The following KCNG2 variants were observed in gnomAD, a reference collection of about 807,000 sequenced individuals.
KCNG2 encodes voltage-gated potassium channel regulatory subunit KCNG2.
A neutral mutation model predicts 12.3 loss-of-function variants in KCNG2; 7 were observed. That is an observed-to-expected ratio of 0.57 (90% CI 0.32 to 1.07). The LOEUF (loss-of-function observed/expected upper bound fraction) is 1.07, where lower values mean the gene tolerates loss of function less well. KCNG2 is among the 50% of genes least tolerant of loss of function. The probability of loss-of-function intolerance (pLI) is 0.04; values close to 1 mark genes in which losing one functional copy is unlikely to be tolerated. For synonymous variants in KCNG2, 414 were observed against 351.4 expected, an observed-to-expected ratio of 1.18 and a Z score of -1.99; for missense variants, 703 against 726.0, an observed-to-expected ratio of 0.97 and a Z score of 0.36.
intron 3 of KCNG2, chr18:79,875,837 G>C (rs1158684613): frequency 6.6e-6 from 1 of 152,408 alleles, no homozygotes; most frequent in Non-Finnish European, 1.5e-5. Context: ...AGTCGGACTG[G>C]CCTGCAGCCC....
chr18:79,803,756 C>A lies in KCNG2; in HGVS notation c.-115+5742C>A, dbSNP rs928931854. ...TCAGCCGGGGCCCTCCTGCGTCTCC[C>A]GACCACAGGCCCCAGTCCCGGCCAA... On this transcript the variant is annotated intron_variant, in intron 1 of 3. Transcript: ENST00000316249. This position sits in a 1 kb window ranked among gnomAD's most constrained non-coding sequence, Gnocchi z 4.5. 6.6e-6 allele frequency among the ~76,000 whole-genome samples: 1 copy of A among 152,202 alleles called. No individual in the cohort carries two copies. The highest frequency in any genetic ancestry group is 6.5e-5 in the Admixed American group (1 of 15,288).
chr18:79,839,685 C>T (rs2123035882), intron 1 of KCNG2, among the ~76,000 whole-genome samples: 2 of 152,300 alleles, frequency 1.3e-5, no homozygotes, highest in Non-Finnish European at 2.9e-5. Context: ...CCAATCTATA[C>T]TGTCTTTTCC....
At chr18:79,870,175 C>T (rs1979774006) in intron 3 of KCNG2, among the ~76,000 whole-genome samples, 1 of 152,272 alleles carries the variant, frequency 6.6e-6, no homozygotes, top group South Asian at 2.1e-4. Flanking sequence ...CCACCGTCTG[C>T]TCCCAGACGA....
Position 79,899,908 on chromosome 18 carries a change from T to G in KCNG2, c.*92T>G. On this transcript the variant is annotated 3_prime_UTR_variant, in exon 4 of 4. Coordinates refer to ENST00000316249, the MANE Select transcript of KCNG2 (RefSeq NM_012283.2). ...GCCAAGGGGTGGGGGGCGTCTGGCCTGGGGGAGCGGCTCCTGCCGGCCGCG... is the reference window on the plus strand; with the variant it reads ...GCCAAGGGGTGGGGGGCGTCTGGCCGGGGGGAGCGGCTCCTGCCGGCCGCG... 1.7e-5 allele frequency: 20 copies of G among 1,174,678 alleles called. No homozygotes were observed. The highest frequency in any genetic ancestry group is 2.2e-5 in the Non-Finnish European group (20 of 926,378). 72.8% of individuals were successfully genotyped at this position (1,174,678 alleles called of 1,614,324 possible).
intron 3 of KCNG2, among the ~76,000 whole-genome samples, chr18:79,868,937 G>A (rs1272272695): frequency 6.6e-6 from 1 of 152,236 alleles, no homozygotes; most frequent in Non-Finnish European, 1.5e-5. Flanking sequence ...AGAACTAGGA[G>A]TCGGTGTTAC....
intron 1 of KCNG2, among the ~76,000 whole-genome samples, chr18:79,810,601 CTA>C (rs1491182652): frequency 2.1e-4 from 31 of 149,898 alleles, no homozygotes; most frequent in African/African-American, 5.8e-4. Context: ...GACCCTGTCT[CTA>C]AAAAAAAAGA....
At chr18:79,869,182 G>A (rs1442075091) in intron 3 of KCNG2, among the ~76,000 whole-genome samples, 1 of 152,194 alleles carries the variant, frequency 6.6e-6, no homozygotes, top group East Asian at 1.9e-4. Context: ...AATGAGGGAA[G>A]CCCAGGGTGC....
intron 3 of KCNG2, among the ~76,000 whole-genome samples, chr18:79,892,045 G>A (rs1980760178): frequency 6.6e-6 from 1 of 151,318 alleles, no homozygotes; most frequent in African/African-American, 2.4e-5. Flanking sequence ...AACCTGGGAG[G>A]CAGAGGTTGC....
intron 1 of KCNG2, among the ~76,000 whole-genome samples, chr18:79,801,053 TC>T (rs954065013): frequency 6.6e-6 from 1 of 152,134 alleles, no homozygotes; most frequent in African/African-American, 2.4e-5. Context: ...CATGCGGATG[TC>T]CGGGGCGGCC....
At position 79,800,636 on chromosome 18, in the gene KCNG2, T is replaced by A. The variant is rs1228535327; in HGVS notation, c.-115+2622T>A. Reference sequence around the variant, plus strand: ...CTGGTGTCGGAGAAACAGCACTGGCTCCTTCACAGCCGCGGCTTTCCGGCA... The same window carrying A: ...CTGGTGTCGGAGAAACAGCACTGGCACCTTCACAGCCGCGGCTTTCCGGCA... On this transcript the variant is annotated intron_variant, in intron 1 of 3. Transcript: ENST00000316249. The surrounding 1 kb of genome is among the most constrained non-coding windows in gnomAD (Gnocchi z 4.0). 2.6e-5 allele frequency among the ~76,000 whole-genome samples: 4 copies of A among 152,222 alleles called. No homozygotes were observed. Among genetic ancestry groups the A allele is most frequent in the Non-Finnish European group, 4.4e-5 (3 of 68,036 alleles).
intron 1 of KCNG2, among the ~76,000 whole-genome samples, chr18:79,802,486 G>T (rs1048312654): frequency 6.6e-6 from 1 of 152,252 alleles, no homozygotes; most frequent in South Asian, 2.1e-4. Flanking sequence ...GTCCCAGCCC[G>T]GCCGCTGCAG....
intron 3 of KCNG2, among the ~76,000 whole-genome samples, chr18:79,883,147 G>C (rs1227582023): frequency 6.6e-6 from 1 of 152,236 alleles, no homozygotes; most frequent in Non-Finnish European, 1.5e-5. Flanking sequence ...AGCACGAATG[G>C]GCTCGCAGGG....
At chr18:79,862,456 G>A (rs983464118) in intron 2 of KCNG2, among the ~76,000 whole-genome samples, 2 of 152,194 alleles carry the variant, frequency 1.3e-5, no homozygotes, top group Non-Finnish European at 2.9e-5. Context: ...GTGTCTTGGA[G>A]CAACCTTCAG....
chr18:79,854,811 C>T (rs1978954897), intron 1 of KCNG2, among the ~76,000 whole-genome samples: 1 of 152,164 alleles, frequency 6.6e-6, no homozygotes, highest in African/African-American at 2.4e-5. Flanking sequence ...CCGTGCCTGG[C>T]CTCATTGGCT....
At chr18:79,854,617 C>T (rs1228123577) in intron 1 of KCNG2, among the ~76,000 whole-genome samples, 2 of 151,712 alleles carry the variant, frequency 1.3e-5, no homozygotes, top group Non-Finnish European at 2.9e-5. Context: ...AGCTCCACCT[C>T]CCGGGTTCAC....
chr18:79,866,387 T>C (rs1979549214), intron 3 of KCNG2, among the ~76,000 whole-genome samples: 1 of 115,412 alleles, frequency 8.7e-6, no homozygotes, highest in Non-Finnish European at 1.8e-5. Flanking sequence ...GTCTGGGTGC[T>C]GAGAGGTCTG....
chr18:79,872,428 G>A (rs1979885543), intron 3 of KCNG2, among the ~76,000 whole-genome samples: 1 of 151,892 alleles, frequency 6.6e-6, no homozygotes, highest in South Asian at 2.1e-4. Context: ...TGGGATTACA[G>A]ATGCACCACC....
chr18:79,821,525 G>A (rs1329200176), intron 1 of KCNG2, among the ~76,000 whole-genome samples: 1 of 151,902 alleles, frequency 6.6e-6, no homozygotes, highest in Admixed American at 6.5e-5. Context: ...CCTGACCTCA[G>A]GTTGTCCACC....
chr18:79,864,022 T>TGCCTGCGCCGCC lies in KCNG2; in HGVS notation c.356_367dup (p.Arg122_Leu123insArgLeuArgArg). 1 of 1,160,444 alleles carries TGCCTGCGCCGCC rather than the reference T, an allele frequency of 8.6e-7. No homozygotes were observed. The allele number at this position is 1,160,444 out of a possible 1,614,324, so 71.9% of individuals were successfully genotyped here. ...CGACGAGGCGCGCCTGGAGCGCTGC[T>TGCCTGCGCCGCC]GCCTGCGCCGCCTGCGCCGCCGCGA... On this transcript the variant is annotated inframe_insertion, in exon 3 of 4. Transcript: ENST00000316249.
Sources: gnomAD v4.1 joint callset for allele counts (sites outside exome capture counted in the v4.1 genomes callset) on GRCh38, gnomAD v4.1.1 for gene constraint, Gnocchi (gnomAD v3.1) non-coding constraint, MANE v1.5 for transcripts, NCBI Gene and HGNC (gene_info 2026-07-23, HGNC 2026-07-21) for gene names.